Variants in PPP2R5C observed in about 807,000 individuals in gnomAD.
PPP2R5C encodes the protein serine/threonine-protein phosphatase 2A 56 kDa regulatory subunit gamma isoform.
A neutral mutation model predicts 68.9 loss-of-function variants in PPP2R5C; 7 were observed. The observed-to-expected ratio is 0.10, with a 90% CI of 0.06 to 0.19. The LOEUF (loss-of-function observed/expected upper bound fraction) is 0.19. PPP2R5C is among the 10% of genes least tolerant of loss of function. The pLI, the probability that PPP2R5C is intolerant of heterozygous loss-of-function variation, is 1.00. For synonymous variants in PPP2R5C, 210 were observed against 222.2 expected (o/e 0.95, Z 0.49); for missense variants, 348 against 641.3 (o/e 0.54, Z 4.94).
intron 2 of PPP2R5C, among the ~76,000 whole-genome samples, chr14:101,779,684 G>A (rs2037583419): frequency 6.6e-6 from 1 of 152,098 alleles, no homozygotes; most frequent in South Asian, 2.1e-4. Context: ...CCATGCTACG[G>A]AGTTTGAACT....
chr14:101,763,335 C>T (rs2036656513), intron 2 of PPP2R5C, among the ~76,000 whole-genome samples: 1 of 151,428 alleles, frequency 6.6e-6, no homozygotes, highest in Non-Finnish European at 1.5e-5. Flanking sequence ...ATCCTCTTAC[C>T]TCAGCCTCCC....
chr14:101,877,415 C>T lies in PPP2R5C; in HGVS notation c.295-4746C>T, dbSNP rs1341211292. On this transcript the variant is annotated intron_variant, in intron 2 of 13. Coordinates refer to ENST00000334743, the Ensembl canonical transcript of PPP2R5C. This position sits in a 1 kb window ranked among gnomAD's most constrained non-coding sequence, Gnocchi z 4.2. ...TGTGCCTCTGGGTGTGCGCTGGATC[C>T]GTAGGTCTCATTTGAGAGATCACAG... 2.0e-5 allele frequency among the ~76,000 whole-genome samples: 3 copies of T among 152,046 alleles called. No homozygotes were observed. Among genetic ancestry groups the T allele is most frequent in the African/African-American group, 4.8e-5 (2 of 41,390 alleles).
chr14:101,810,028 A>T, exon 1 of PPP2R5C: 1 of 1,613,582 alleles, frequency 6.2e-7, no homozygotes, highest in Non-Finnish European at 8.5e-7. Flanking sequence ...GTCCTTCTCC[A>T]TATTCGAGGT....
intron 1 of PPP2R5C, among the ~76,000 whole-genome samples, chr14:101,852,684 C>G (rs1463639842): frequency 6.6e-6 from 1 of 152,022 alleles, no homozygotes; most frequent in Non-Finnish European, 1.5e-5. Flanking sequence ...GTTGGCTAGG[C>G]TAGTCTCGAA....
chr14:101,798,866 G>A (rs956526480), intron 3 of PPP2R5C, among the ~76,000 whole-genome samples: 1 of 152,218 alleles, frequency 6.6e-6, no homozygotes, highest in South Asian at 2.1e-4. Context: ...TGAGTGGAAG[G>A]CATCCACTCC....
chr14:101,859,539 G>A (rs1459167093), intron 2 of PPP2R5C, among the ~76,000 whole-genome samples: 1 of 152,208 alleles, frequency 6.6e-6, no homozygotes, highest in African/African-American at 2.4e-5. Context: ...GGTAGAATAG[G>A]GGATGGGGAC....
At chr14:101,809,762 T>G, upstream of PPP2R5C, 1 of 1,297,482 alleles carries the variant, frequency 7.7e-7, no homozygotes, top group Non-Finnish European at 1.0e-6. Flanking sequence ...TTTGCAGTTT[T>G]TTTAGTGTCA....
intron 13 of PPP2R5C, among the ~76,000 whole-genome samples, chr14:101,924,445 CTTTTT>C (rs11325673): frequency 3.6e-5 from 3 of 84,502 alleles, no homozygotes; most frequent in African/African-American, 1.3e-4. Flanking sequence ...ATTTCTACAT[CTTTTT>C]TTTTTTTGAG....
chr14:101,801,753 T>A (rs2038870175), intron 3 of PPP2R5C, among the ~76,000 whole-genome samples: 1 of 152,244 alleles, frequency 6.6e-6, no homozygotes, highest in Admixed American at 6.5e-5. Flanking sequence ...TGTTAAGATG[T>A]CAGTACTGCC....
intron 1 of PPP2R5C, among the ~76,000 whole-genome samples, chr14:101,840,103 T>C (rs1323201169): frequency 6.6e-6 from 1 of 152,190 alleles, no homozygotes; most frequent in Non-Finnish European, 1.5e-5. Context: ...AGCGAAAGAT[T>C]TCATTTATAG....
At chr14:101,761,778 C>A (rs1158175800), upstream of PPP2R5C, 2 of 953,140 alleles carry the variant, frequency 2.1e-6, no homozygotes, top group Non-Finnish European at 1.2e-6. Flanking sequence ...AGACTCAGTC[C>A]CCGGGCGGCG....
chr14:101,906,250 G>A lies in PPP2R5C; in HGVS notation c.1024-152G>A, dbSNP rs916536738. ...TTGTTGAAGGCTCTTCAGGGTTACA[G>A]GTTACAGTCTAGAATATTTTGAATT... On this transcript the variant is annotated intron_variant, in intron 9 of 13. Transcript: ENST00000334743. This position sits in a 1 kb window ranked among gnomAD's most constrained non-coding sequence, Gnocchi z 4.0. 1 of 824,788 alleles carries A rather than the reference G, an allele frequency of 1.2e-6. No homozygotes were observed. Among genetic ancestry groups the A allele is most frequent in the African/African-American group, 1.7e-5 (1 of 57,832 alleles). 51.1% of individuals were successfully genotyped at this position (824,788 alleles called of 1,614,324 possible). A position where few individuals can be genotyped will look rare whatever the true frequency, so the allele number is the denominator to read the frequency against.
chr14:101,889,130 T>C (rs1595479463), intron 5 of PPP2R5C, among the ~76,000 whole-genome samples: 1 of 152,236 alleles, frequency 6.6e-6, no homozygotes, highest in Admixed American at 6.5e-5. Flanking sequence ...ATATTTCACA[T>C]CTGTGGATGT....
intron 10 of PPP2R5C, among the ~76,000 whole-genome samples, chr14:101,909,147 T>A (rs1303848744): frequency 1.3e-5 from 2 of 152,248 alleles, no homozygotes; most frequent in Non-Finnish European, 1.5e-5. Flanking sequence ...TTTATGCTCA[T>A]TTTATTTTCT....
chr14:101,918,983 CGCCCCGCCTGT>C (rs1460193112), intron 13 of PPP2R5C, among the ~76,000 whole-genome samples: 1 of 152,100 alleles, frequency 6.6e-6, no homozygotes, highest in Non-Finnish European at 1.5e-5. Flanking sequence ...TGAAAGTAGG[CGCCCCGCCTGT>C]GGAGTAGCCA....
chr14:101,860,472 C>T (rs1330270132), intron 2 of PPP2R5C, among the ~76,000 whole-genome samples: 1 of 152,156 alleles, frequency 6.6e-6, no homozygotes, highest in Non-Finnish European at 1.5e-5. Context: ...CATTTGGGGG[C>T]TGTTATGAAT....
At chr14:101,805,479 A>G (rs1322776160), upstream of PPP2R5C, among the ~76,000 whole-genome samples, 1 of 152,242 alleles carries the variant, frequency 6.6e-6, no homozygotes, top group Non-Finnish European at 1.5e-5. Context: ...GCTATTATGC[A>G]TCAATTAAAA....
At chr14:101,791,065 G>A (rs894971685) in intron 3 of PPP2R5C, among the ~76,000 whole-genome samples, 1 of 152,154 alleles carries the variant, frequency 6.6e-6, no homozygotes. Flanking sequence ...GGGCAACAGA[G>A]CAAGACTCCG....
intron 3 of PPP2R5C, among the ~76,000 whole-genome samples, chr14:101,800,212 A>G (rs1738235615): frequency 6.6e-6 from 1 of 152,188 alleles, no homozygotes; most frequent in Admixed American, 6.5e-5. Flanking sequence ...TCGTGCCACT[A>G]GGTTCCAGGG....
Sources: gnomAD v4.1 joint callset for allele counts (sites outside exome capture counted in the v4.1 genomes callset) on GRCh38, gnomAD v4.1.1 for gene constraint, Gnocchi (gnomAD v3.1) non-coding constraint, MANE v1.5 for transcripts, NCBI Gene and HGNC (gene_info 2026-07-23, HGNC 2026-07-21) for gene names.